The following CNST variants were observed in gnomAD, a reference collection of about 807,000 sequenced individuals.
CNST encodes the protein consortin, connexin sorting protein.
Under a neutral mutation model 72.4 loss-of-function variants are expected in CNST, and 39 were observed. That is an observed-to-expected ratio of 0.54 (90% CI 0.42 to 0.70). The LOEUF is 0.70. CNST is among the 30% of genes least tolerant of loss of function. The pLI, the probability that CNST is intolerant of heterozygous loss-of-function variation, is 0.00. For missense variants in CNST, 871 were observed against 868.5 expected (o/e 1.00, Z -0.04); for synonymous variants, 332 against 320.1 (o/e 1.04, Z -0.40).
At chr1:246,595,413 T>G (rs1428066071) in intron 2 of CNST, among the ~76,000 whole-genome samples, 3 of 152,208 alleles carry the variant, frequency 2.0e-5, no homozygotes, top group African/African-American at 4.8e-5. Flanking sequence ...CCATCTTCAC[T>G]GCCACAGTTC....
At chr1:246,615,383 G>C (rs932143795) in intron 2 of CNST, among the ~76,000 whole-genome samples, 1 of 151,780 alleles carries the variant, frequency 6.6e-6, no homozygotes, top group Non-Finnish European at 1.5e-5. Context: ...CACCGTGTTA[G>C]CCAGGATGGT....
Position 246,635,298 on chromosome 1 carries a change from C to T in CNST, c.818+711C>T, listed in dbSNP as rs532669819. On this transcript the variant is annotated intron_variant, in intron 6 of 10. Transcript: ENST00000366513. ...CAGGAGCATCGTCTGGATTGTCTGG[C>T]GATTAACTGTAGTTTCAACAAGAGT... 5.9e-5 allele frequency among the ~76,000 whole-genome samples: 9 copies of T among 151,776 alleles called. 1 individual carries two copies. The highest frequency in any genetic ancestry group is 2.6e-4 in the Admixed American group (4 of 15,280).
chr1:246,567,011 C>T (rs1000143870), intron 1 of CNST, among the ~76,000 whole-genome samples: 74 of 152,270 alleles, frequency 4.9e-4, no homozygotes, highest in Middle Eastern at 3.4e-3. Context: ...CCGCTCTCCC[C>T]ACCCTCGTGG....
chr1:246,573,881 T>G (rs1358623543), intron 1 of CNST, among the ~76,000 whole-genome samples: 1 of 152,168 alleles, frequency 6.6e-6, no homozygotes, highest in Non-Finnish European at 1.5e-5. Flanking sequence ...GCCCAGAATG[T>G]CTCTATAGAT....
intron 2 of CNST, among the ~76,000 whole-genome samples, chr1:246,610,304 A>G (rs1332745277): frequency 6.7e-6 from 1 of 149,422 alleles, no homozygotes; most frequent in Non-Finnish European, 1.5e-5. Flanking sequence ...CAAACAAAAA[A>G]CCTCCCCATT....
chr1:246,641,605 T>A lies in CNST; in HGVS notation c.819-144T>A, dbSNP rs922883171. The A allele has an allele frequency of 5.0e-6, 3 of 601,176 alleles. No individual in the cohort carries two copies. In the East Asian group the frequency reaches 8.9e-5, roughly 18 times the overall value. The allele number at this position is 601,176 out of a possible 1,614,324, so 37.2% of individuals were successfully genotyped here. On this transcript the variant is annotated intron_variant, in intron 6 of 10. Coordinates refer to ENST00000366513, the MANE Select transcript of CNST (RefSeq NM_152609.3). Reference sequence around the variant, plus strand: ...TTTGAACTATGTGAGCCAGTGGTAATGTTTCAGCCGTGGAAATGTTCTGTG... The same window carrying A: ...TTTGAACTATGTGAGCCAGTGGTAAAGTTTCAGCCGTGGAAATGTTCTGTG...
chr1:246,660,920 G>T (rs1318626518), intron 10 of CNST, among the ~76,000 whole-genome samples: 2 of 151,824 alleles, frequency 1.3e-5, no homozygotes, highest in Admixed American at 6.6e-5. Context: ...GCTTAGTTCA[G>T]TTTCCCTCTT....
chr1:246,619,320 C>T (rs571232384), intron 2 of CNST, among the ~76,000 whole-genome samples: 2 of 152,302 alleles, frequency 1.3e-5, no homozygotes, highest in South Asian at 2.1e-4. Flanking sequence ...GGCAGGCCAT[C>T]ACTGGGCCTT....
rs759003395 is a variant in CNST at position 246,621,599 on chromosome 1, T to G, written c.550T>G (p.Leu184Val). ...FSLIRGEVEQ[L>V]DSRALPLCLH... ...ACTTATACGAGGTGAAGTTGAGCAG[T>G]TGGATTCAAGAGCACTTCCCCTTTG... Residue 184 changes from leucine to valine, a missense_variant, in exon 3 of 11, where the codon TTG (leucine) becomes GTG (valine). Physicochemically the swap from Leu to Val is conservative, Grantham distance 32. Coordinates refer to ENST00000366513, the MANE Select transcript of CNST (RefSeq NM_152609.3). 6.2e-6 allele frequency: 10 copies of G among 1,614,026 alleles called. No homozygotes were observed. In the African/African-American group the frequency reaches 1.2e-4, roughly 19 times the overall value.
At chr1:246,634,263 A>G in intron 5 of CNST, 1 of 561,780 alleles carries the variant, frequency 1.8e-6, no homozygotes, top group Non-Finnish European at 3.1e-6. Context: ...TCCTAATCAC[A>G]TTTCATGCCC....
intron 10 of CNST, among the ~76,000 whole-genome samples, chr1:246,664,450 G>A (rs1667281264): frequency 6.7e-6 from 1 of 149,846 alleles, no homozygotes. Context: ...TTTTTGAGAA[G>A]GAGTCTCGCC....
chr1:246,617,275 C>T (rs1008801659), intron 2 of CNST, among the ~76,000 whole-genome samples: 6 of 152,208 alleles, frequency 3.9e-5, no homozygotes, highest in South Asian at 4.1e-4. Context: ...TTCAAACCTA[C>T]AGTATTGGTG....
intron 2 of CNST, among the ~76,000 whole-genome samples, chr1:246,599,652 A>G (rs58152320): frequency 6.6e-6 from 1 of 152,342 alleles, no homozygotes; most frequent in East Asian, 1.9e-4. Context: ...TCACACCTGT[A>G]ATCCCAACAC....
At chr1:246,633,757 A>G (rs1185411667) in intron 4 of CNST, among the ~76,000 whole-genome samples, 167 bp from the exon 5 acceptor site, 3 of 152,182 alleles carry the variant, frequency 2.0e-5, no homozygotes, top group Non-Finnish European at 4.4e-5. Flanking sequence ...AAAAAAAAAA[A>G]AAAAGAGAGA....
chr1:246,632,364 A>C lies in CNST; in HGVS notation c.616+440A>C. ...CCCCCGTGATGGTGAATCTCGTCGT[A>C]TCTGTCGTTGTAATTGGTCCTGGAC... On this transcript the variant is annotated intron_variant, in intron 4 of 10. Coordinates refer to ENST00000366513, the MANE Select transcript of CNST (RefSeq NM_152609.3). 5 of 271,664 alleles carry C rather than the reference A, an allele frequency of 1.8e-5. No individual in the cohort carries two copies. The South Asian group carries it at 2.4e-4, about 13-fold the overall frequency. The allele number at this position is 271,664 out of a possible 1,614,324, so 16.8% of individuals were successfully genotyped here. A position where few individuals can be genotyped will look rare whatever the true frequency, so the allele number is the denominator to read the frequency against.
At chr1:246,585,189 T>A (rs1268869483) in intron 1 of CNST, among the ~76,000 whole-genome samples, 1 of 152,192 alleles carries the variant, frequency 6.6e-6, no homozygotes, top group African/African-American at 2.4e-5. Context: ...CTCTGGTTTT[T>A]CGTCCAGCTC....
At chr1:246,604,171 T>G (rs1662512919) in intron 2 of CNST, among the ~76,000 whole-genome samples, 1 of 152,090 alleles carries the variant, frequency 6.6e-6, no homozygotes, top group South Asian at 2.1e-4. Context: ...GGAGAATTGC[T>G]TGAACCCGGG....
rs1188370099 is a variant in CNST at position 246,566,536 on chromosome 1, C to T, written c.-179C>T. 7.0e-6 allele frequency: 3 copies of T among 427,738 alleles called. No homozygotes were observed. Among genetic ancestry groups the T allele is most frequent in the South Asian group, 7.5e-5 (1 of 13,406 alleles). The allele number at this position is 427,738 out of a possible 1,614,324, so 26.5% of individuals were successfully genotyped here. A position where few individuals can be genotyped will look rare whatever the true frequency, so the allele number is the denominator to read the frequency against. On this transcript the variant is annotated 5_prime_UTR_variant, in exon 1 of 11. Transcript: ENST00000366513. The stretch of plus-strand genomic sequence containing the variant: ...GGCGGGGCGGAAAGGCGAGAGGTGT[C>T]TCCTCCACCGGAGCCAGGGGAGACC...
At chr1:246,584,382 A>C (rs1435515025) in intron 1 of CNST, among the ~76,000 whole-genome samples, 1 of 152,220 alleles carries the variant, frequency 6.6e-6, no homozygotes, top group Non-Finnish European at 1.5e-5. Context: ...GTTTCAAAAA[A>C]TGCATTCAGA....
Sources: gnomAD v4.1 joint callset for allele counts (sites outside exome capture counted in the v4.1 genomes callset) on GRCh38, gnomAD v4.1.1 for gene constraint, MANE v1.5 for transcripts, NCBI Gene and HGNC (gene_info 2026-07-23, HGNC 2026-07-21) for gene names.